Variants in SLC25A21 observed in about 807,000 individuals in gnomAD.
SLC25A21 encodes mitochondrial 2-oxodicarboxylate carrier.
In SLC25A21, 47 loss-of-function variants were observed where a neutral mutation model predicts 43.8. The observed-to-expected ratio is 1.07, with a 90% confidence interval of 0.85 to 1.37. The LOEUF is 1.37. Ranked by LOEUF, SLC25A21 falls within the 40% of genes most tolerant of loss-of-function variation. SLC25A21 has a pLI of 0.00. For missense variants in SLC25A21, 352 were observed against 350.2 expected (o/e 1.00, Z -0.04); for synonymous variants, 131 against 121.3 (o/e 1.08, Z -0.52).
intron 1 of SLC25A21, among the ~76,000 whole-genome samples, chr14:37,103,403 G>C (rs1397854005): frequency 1.3e-5 from 2 of 152,170 alleles, no homozygotes; most frequent in Non-Finnish European, 2.9e-5. Context: ...ATATTCCAAA[G>C]CATGGTCTGG....
intron 1 of SLC25A21, among the ~76,000 whole-genome samples, chr14:36,920,211 T>C (rs1310945563): frequency 6.6e-6 from 1 of 152,060 alleles, no homozygotes; most frequent in Non-Finnish European, 1.5e-5. Flanking sequence ...GACACATATA[T>C]ATGGAAAAAC....
At chr14:36,792,274 TA>T (rs1887513329) in intron 3 of SLC25A21, among the ~76,000 whole-genome samples, 1 of 152,100 alleles carries the variant, frequency 6.6e-6, no homozygotes, top group African/African-American at 2.4e-5. Context: ...AAAGAAAGTG[TA>T]TTTGAGGTCT....
At chr14:36,688,265 C>T (rs1389340462) in intron 7 of SLC25A21, among the ~76,000 whole-genome samples, 1 of 152,166 alleles carries the variant, frequency 6.6e-6, no homozygotes, top group Non-Finnish European at 1.5e-5. Context: ...TTTATCCTCC[C>T]CTCTACTCCC....
intron 2 of SLC25A21, among the ~76,000 whole-genome samples, chr14:36,862,843 C>A (rs1890112222): frequency 6.6e-6 from 1 of 152,106 alleles, no homozygotes; most frequent in South Asian, 2.1e-4. Flanking sequence ...TCAATATAAT[C>A]TCACATCAAT....
intron 1 of SLC25A21, among the ~76,000 whole-genome samples, chr14:37,040,002 C>T (rs899435351): frequency 6.6e-6 from 1 of 150,816 alleles, no homozygotes; most frequent in Non-Finnish European, 1.5e-5. Context: ...CAAGATCAAC[C>T]TGGCCAACAT....
chr14:36,843,579 T>C (rs181756211), intron 2 of SLC25A21, among the ~76,000 whole-genome samples: 1 of 151,910 alleles, frequency 6.6e-6, no homozygotes, highest in East Asian at 1.9e-4. Flanking sequence ...TACATACAGA[T>C]ACATAACATG....
chr14:37,028,191 T>C (rs1392339624), intron 1 of SLC25A21, among the ~76,000 whole-genome samples: 1 of 152,122 alleles, frequency 6.6e-6, no homozygotes, highest in Non-Finnish European at 1.5e-5. Context: ...CAAAGAAGCC[T>C]ATACTTACAG....
At chr14:37,015,546 G>A (rs1341813752) in intron 1 of SLC25A21, among the ~76,000 whole-genome samples, 3 of 151,628 alleles carry the variant, frequency 2.0e-5, no homozygotes, top group Admixed American at 1.3e-4. Flanking sequence ...TAGTCATTTG[G>A]GTATATACCC....
chr14:36,678,691 A>G lies in SLC25A21; in HGVS notation c.*1967T>C. 1 of 1,248,858 alleles carries G rather than the reference A, an allele frequency of 8.0e-7. No individual in the cohort carries two copies. Among genetic ancestry groups the G allele is most frequent in the Non-Finnish European group, 1.0e-6 (1 of 995,472 alleles). 77.4% of individuals were successfully genotyped at this position (1,248,858 alleles called of 1,614,324 possible). On this transcript the variant is annotated 3_prime_UTR_variant, in exon 10 of 10. Coordinates refer to ENST00000331299, the MANE Select transcript of SLC25A21 (RefSeq NM_030631.4). ...ACTTGCTTGTGTGGAAATGCAAATAATGTTATTTTCTTTATCTAAATTAAG... is the reference window on the plus strand; with the variant it reads ...ACTTGCTTGTGTGGAAATGCAAATAGTGTTATTTTCTTTATCTAAATTAAG...
chr14:36,980,628 T>G (rs905121566), intron 1 of SLC25A21, among the ~76,000 whole-genome samples: 1 of 152,226 alleles, frequency 6.6e-6, no homozygotes, highest in Non-Finnish European at 1.5e-5. Flanking sequence ...TGCTGTTTAC[T>G]CTAGTTAGCC....
intron 1 of SLC25A21, among the ~76,000 whole-genome samples, chr14:37,071,053 G>C (rs1051007757): frequency 9.1e-6 from 1 of 109,626 alleles, no homozygotes; most frequent in Admixed American, 7.8e-5. Flanking sequence ...AAAGGGAAAG[G>C]AGAAGACACT....
intron 1 of SLC25A21, among the ~76,000 whole-genome samples, chr14:36,970,030 G>A (rs1664198010): frequency 6.6e-6 from 1 of 152,078 alleles, no homozygotes; most frequent in South Asian, 2.1e-4. Context: ...TGTTACAATT[G>A]AGCATTTTCC....
chr14:37,140,605 T>C (rs1226617343), intron 1 of SLC25A21, among the ~76,000 whole-genome samples: 2 of 152,206 alleles, frequency 1.3e-5, no homozygotes, highest in African/African-American at 2.4e-5. Context: ...TGTAATCATT[T>C]TGATCATCAA....
At chr14:36,724,381 AG>A (rs919110743) in intron 6 of SLC25A21, among the ~76,000 whole-genome samples, 2 of 152,182 alleles carry the variant, frequency 1.3e-5, no homozygotes, top group African/African-American at 4.8e-5. Context: ...AGGCAGCATC[AG>A]CAGGCAGGAA....
chr14:36,680,638 G>GA lies in SLC25A21; in HGVS notation c.*19dup, dbSNP rs771002338. ...AGCAAATATCCATTATCTCAAGGGG[G>GA]AAAAACACTTCATAGGCAATCACCA... is the stretch of plus-strand genomic sequence containing the variant. On this transcript the variant is annotated 3_prime_UTR_variant, in exon 10 of 10. Transcript: ENST00000331299. 1.3e-5 allele frequency: 21 copies of GA among 1,610,080 alleles called. No homozygotes were observed. In the East Asian group the frequency reaches 1.8e-4, roughly 14 times the overall value.
chr14:36,791,390 G>T (rs848100), intron 3 of SLC25A21, among the ~76,000 whole-genome samples: 31,069 of 152,012 alleles, frequency 0.2, 3,325 homozygotes, highest in Middle Eastern at 0.26. Flanking sequence ...AGAAATTTAT[G>T]TTGCAAACCT....
chr14:36,687,268 T>C (rs146062340), intron 7 of SLC25A21, among the ~76,000 whole-genome samples: 214 of 152,260 alleles, frequency 1.4e-3, no homozygotes, highest in African/African-American at 3.2e-3. Context: ...TTGTTTTCTA[T>C]ACATTTCCCA....
At chr14:36,832,634 AAAC>A (rs1293304797) in intron 2 of SLC25A21, among the ~76,000 whole-genome samples, 1 of 152,228 alleles carries the variant, frequency 6.6e-6, no homozygotes, top group Non-Finnish European at 1.5e-5. Flanking sequence ...CTAGAAAAAC[AAAC>A]AACATTATAA....
At chr14:36,841,388 G>A (rs1312113159) in intron 2 of SLC25A21, among the ~76,000 whole-genome samples, 2 of 152,126 alleles carry the variant, frequency 1.3e-5, no homozygotes, top group African/African-American at 4.8e-5. Context: ...TTCCTCAAAT[G>A]TACACAGTCC....
Sources: allele counts gnomAD v4.1 joint callset (sites outside exome capture counted in the v4.1 genomes callset), GRCh38; gene constraint gnomAD v4.1.1; transcripts MANE v1.5; gene names NCBI Gene and HGNC (gene_info 2026-07-23, HGNC 2026-07-21).